NCKAP5: variants seen among roughly 807,000 people sequenced by gnomAD.
The protein encoded by NCKAP5 is nck-associated protein 5.
Under a neutral mutation model 167.0 loss-of-function variants are expected in NCKAP5, and 92 were observed. The ratio of observed to expected loss-of-function variants is 0.55; its 90% confidence interval spans 0.47 to 0.66. NCKAP5 has a LOEUF of 0.66. Ranked by LOEUF, NCKAP5 falls within the 30% of genes least tolerant of loss-of-function variation. The pLI is 0.00. For synonymous variants in NCKAP5, 891 were observed against 877.4 expected (o/e 1.02, Z -0.27); for missense variants, 2,378 against 2,315.0 (o/e 1.03, Z -0.56).
At chr2:133,477,233 C>T (rs1371950333) in intron 3 of NCKAP5, among the ~76,000 whole-genome samples, 4 of 152,228 alleles carry the variant, frequency 2.6e-5, no homozygotes, top group East Asian at 1.9e-4. Context: ...TGAGCCCAGG[C>T]GTTCTGGCCT....
rs1031993718 is a variant in NCKAP5, at chr2:132,945,090, A to G, written c.579+18630T>C. The stretch of plus-strand genomic sequence containing the variant: ...TGGCCCCAAGCGGGTTGAGTTGGCC[A>G]AGACACTCCACTGGGGAAAGGCTGT... On this transcript the variant is annotated intron_variant, in intron 8 of 19. Coordinates refer to ENST00000409261, the MANE Select transcript of NCKAP5 (RefSeq NM_207363.3). 1.2e-4 allele frequency among the ~76,000 whole-genome samples: 19 copies of G among 152,288 alleles called. No individual in the cohort carries two copies. The South Asian group carries it at 3.9e-3, about 32-fold the overall frequency.
At chr2:133,086,842 G>C (rs2081009295) in intron 6 of NCKAP5, among the ~76,000 whole-genome samples, 1 of 152,056 alleles carries the variant, frequency 6.6e-6, no homozygotes, top group African/African-American at 2.4e-5. Context: ...GGAACATTGG[G>C]GGCAAGAAGG....
At chr2:133,426,006 T>A (rs953931103) in intron 3 of NCKAP5, among the ~76,000 whole-genome samples, 2 of 152,188 alleles carry the variant, frequency 1.3e-5, no homozygotes, top group Non-Finnish European at 2.9e-5. Flanking sequence ...GCACGGTGGC[T>A]CATGCCTGTA....
intron 3 of NCKAP5, among the ~76,000 whole-genome samples, chr2:133,356,670 T>C (rs753669625): frequency 8.6e-5 from 13 of 150,986 alleles, no homozygotes; most frequent in Non-Finnish European, 1.6e-4. Flanking sequence ...ATTGCTTTTG[T>C]TGAAACTTTG....
intron 8 of NCKAP5, among the ~76,000 whole-genome samples, chr2:132,904,614 AT>A: frequency 6.6e-6 from 1 of 152,154 alleles, no homozygotes; most frequent in Non-Finnish European, 1.5e-5. Flanking sequence ...GCTATATCAA[AT>A]TTCACTTCCC....
the NCKAP5 span, among the ~76,000 whole-genome samples, chr2:133,605,270 T>C: frequency 2.0e-5 from 3 of 152,178 alleles, no homozygotes; most frequent in Non-Finnish European, 4.4e-5. Flanking sequence ...CCCTGTGAAT[T>C]TGAGTTTATC....
At chr2:133,307,915 A>G (rs1355293502) in intron 3 of NCKAP5, among the ~76,000 whole-genome samples, 1 of 152,128 alleles carries the variant, frequency 6.6e-6, no homozygotes, top group Non-Finnish European at 1.5e-5. Context: ...AGATGTTTTA[A>G]AAAGTAATTA....
intron 16 of NCKAP5, among the ~76,000 whole-genome samples, chr2:132,769,499 C>G (rs996868506): frequency 6.9e-6 from 1 of 145,670 alleles, no homozygotes; most frequent in Admixed American, 6.8e-5. Context: ...ACATGAAGAA[C>G]AGTGGTATTA....
In NCKAP5 at chr2:133,027,188, C is replaced by A. The variant is rs2078726284; in HGVS notation, c.342-32949G>T. On this transcript the variant is annotated intron_variant, in intron 6 of 19. Transcript: ENST00000409261. The stretch of plus-strand genomic sequence containing the variant: ...ATATGACTATGACAAGAAAACATGA[C>A]AAGCGTCAAGGTCTGATGGTTCTAA... Among the ~76,000 whole-genome samples the A allele has an allele frequency of 5.9e-5, 9 of 152,174 alleles. No individual in the cohort carries two copies. The South Asian group carries it at 1.9e-3, about 32-fold the overall frequency.
At chr2:133,488,172 A>C (rs1161535765) in intron 3 of NCKAP5, among the ~76,000 whole-genome samples, 1 of 152,212 alleles carries the variant, frequency 6.6e-6, no homozygotes, top group Admixed American at 6.5e-5. Context: ...CATATTATCT[A>C]TTATTATTGT....
chr2:132,987,254 G>GTTGT (rs150635909), intron 7 of NCKAP5, among the ~76,000 whole-genome samples: 2,807 of 152,116 alleles, frequency 0.018, 77 homozygotes, highest in African/African-American at 0.063. Context: ...GCACAACAAA[G>GTTGT]GTAAAGTTCA....
intron 8 of NCKAP5, among the ~76,000 whole-genome samples, chr2:132,882,383 A>G (rs913467902): frequency 6.6e-6 from 1 of 152,074 alleles, no homozygotes; most frequent in Non-Finnish European, 1.5e-5. Flanking sequence ...CCCCACCCCA[A>G]GCCCTACAGG....
chr2:133,366,582 G>A (rs929842313), intron 3 of NCKAP5, among the ~76,000 whole-genome samples: 41 of 152,240 alleles, frequency 2.7e-4, no homozygotes, highest in African/African-American at 7.9e-4. Flanking sequence ...GATTACAGGC[G>A]TGAGTTACTG....
At chr2:133,602,092 T>C in the NCKAP5 span, among the ~76,000 whole-genome samples, 1 of 152,218 alleles carries the variant, frequency 6.6e-6, no homozygotes, top group African/African-American at 2.4e-5. Context: ...GAAGCTGTTG[T>C]AGAATGACCT....
intron 5 of NCKAP5, among the ~76,000 whole-genome samples, chr2:133,175,716 G>C (rs2084431612): frequency 6.6e-6 from 1 of 152,148 alleles, no homozygotes; most frequent in Non-Finnish European, 1.5e-5. Flanking sequence ...TTCCATGTCT[G>C]CCTCTGTCTC....
At chr2:133,383,416 A>G (rs1267101781) in intron 3 of NCKAP5, among the ~76,000 whole-genome samples, 1 of 152,234 alleles carries the variant, frequency 6.6e-6, no homozygotes, top group South Asian at 2.1e-4. Context: ...ATGACTGCAT[A>G]GTATTCCATG....
At chr2:133,214,459 G>A (rs1295608885) in intron 4 of NCKAP5, among the ~76,000 whole-genome samples, 1 of 152,154 alleles carries the variant, frequency 6.6e-6, no homozygotes, top group Non-Finnish European at 1.5e-5. Flanking sequence ...TCTTCAGTGT[G>A]TAGGTAATAT....
At chr2:132,814,429 G>T (rs894570049) in intron 11 of NCKAP5, among the ~76,000 whole-genome samples, 3 of 152,200 alleles carry the variant, frequency 2.0e-5, no homozygotes, top group Non-Finnish European at 4.4e-5. Flanking sequence ...AGGGTAATAT[G>T]TAAAACAGAC....
Position 133,330,901 on chromosome 2 carries a change from A to C in NCKAP5, c.70-27791T>G, listed in dbSNP as rs57198833. On this transcript the variant is annotated intron_variant, in intron 3 of 19. Transcript: ENST00000409261. Reference sequence around the variant, plus strand: ...TACAGAGGGAGACCCTGTATTAAAAAAAAGAAGAAAGTATTAAGCATATAC... The same window carrying C: ...TACAGAGGGAGACCCTGTATTAAAACAAAGAAGAAAGTATTAAGCATATAC... Among the ~76,000 whole-genome samples, 1,118 of 152,288 alleles carry C rather than the reference A, an allele frequency of 7.3e-3. 17 individuals carry two copies. Among genetic ancestry groups the C allele is most frequent in the African/African-American group, 0.024 (982 of 41,562 alleles).
Sources: gnomAD v4.1 joint callset for allele counts (sites outside exome capture counted in the v4.1 genomes callset) on GRCh38, gnomAD v4.1.1 for gene constraint, MANE v1.5 for transcripts, NCBI Gene and HGNC (gene_info 2026-07-23, HGNC 2026-07-21) for gene names.